PCDHA1: variants seen among roughly 807,000 people sequenced by gnomAD.
PCDHA1 encodes protocadherin alpha-1.
Under a neutral mutation model 61.3 loss-of-function variants are expected in PCDHA1, and 42 were observed. That is an observed-to-expected ratio of 0.69 (90% CI 0.54 to 0.89). The LOEUF is 0.89. Ranked by LOEUF, PCDHA1 falls within the 40% of genes least tolerant of loss-of-function variation. PCDHA1 has a pLI of 0.00. For missense variants in PCDHA1, 1,256 were observed against 1,235.3 expected (o/e 1.02, Z -0.25); for synonymous variants, 610 against 553.8 (o/e 1.10, Z -1.43).
chr5:140,852,888 T>C, intron 1 of PCDHA1: 1 of 920,092 alleles, frequency 1.1e-6, no homozygotes, highest in Non-Finnish European at 1.3e-6. Context: ...AAAACGTATT[T>C]TTTTTTTTGA....
At chr5:140,806,239 A>T (rs1311406571) in intron 1 of PCDHA1, among the ~76,000 whole-genome samples, 1 of 152,090 alleles carries the variant, frequency 6.6e-6, no homozygotes, top group Non-Finnish European at 1.5e-5. Context: ...CTTGTTTATT[A>T]AAAAAAGCTA....
chr5:140,825,145 T>A (rs1768461480), intron 1 of PCDHA1: 2 of 151,846 alleles, frequency 1.3e-5, no homozygotes, highest in African/African-American at 4.8e-5. Flanking sequence ...ATATGAGTAT[T>A]GATTTTAATC....
At chr5:140,875,538 A>C in intron 1 of PCDHA1, 17 of 1,614,126 alleles carry the variant, frequency 1.1e-5, no homozygotes, top group Non-Finnish European at 1.4e-5. Context: ...TGCTCCTTGC[A>C]GCCTGGGAGG....
intron 1 of PCDHA1, chr5:140,969,442 T>C (rs1554231813): frequency 1.3e-6 from 2 of 1,543,712 alleles, no homozygotes; most frequent in Admixed American, 4.0e-5. Flanking sequence ...AGTTATCTGG[T>C]AAACTGAGTA....
intron 1 of PCDHA1, among the ~76,000 whole-genome samples, chr5:140,958,419 A>G (rs1275772647): frequency 6.6e-6 from 1 of 152,196 alleles, no homozygotes; most frequent in Non-Finnish European, 1.5e-5. Flanking sequence ...GCTTGGAAAG[A>G]AGCACTTTTT....
At chr5:140,998,472 A>G (rs1212895520) in intron 3 of PCDHA1, among the ~76,000 whole-genome samples, 1 of 151,938 alleles carries the variant, frequency 6.6e-6, no homozygotes, top group Non-Finnish European at 1.5e-5. Context: ...TTTTCCTCCC[A>G]CTGTGCTGTA....
intron 3 of PCDHA1, among the ~76,000 whole-genome samples, chr5:141,002,568 C>T (rs1554258737): frequency 6.6e-6 from 1 of 152,182 alleles, no homozygotes; most frequent in Admixed American, 6.5e-5. Context: ...AGTTAGTGAC[C>T]ATGTGACCAT....
chr5:140,814,184 T>C (rs1765454808), intron 1 of PCDHA1: 1 of 152,684 alleles, frequency 6.5e-6, no homozygotes, highest in Admixed American at 6.5e-5. Context: ...TTTTGACTTT[T>C]AATTTTTTTA....
chr5:140,909,491 A>G (rs1031839388), intron 1 of PCDHA1, among the ~76,000 whole-genome samples: 5 of 152,218 alleles, frequency 3.3e-5, no homozygotes, highest in Non-Finnish European at 7.3e-5. Context: ...GGAGAGCTGA[A>G]CGGGGATGTG....
At position 140,788,518 on chromosome 5, in the gene PCDHA1, G is replaced by C. The variant is rs1761474283; in HGVS notation, c.2228G>C (p.Ser743Thr). Reference sequence around the variant, plus strand: ...GGCAAGCCCACTCTGGTGTGCTCCAGCGCGTTGGGGAGCTGGTCGAACTCA... The same window carrying C: ...GGCAAGCCCACTCTGGTGTGCTCCACCGCGTTGGGGAGCTGGTCGAACTCA... The part of the protein sequence containing the change: ...VPGKPTLVCS[S>T]ALGSWSNSQQ... Residue 743 changes from serine to threonine, a missense_variant, in exon 1 of 4, where the codon AGC (serine) becomes ACC (threonine). Ser to Thr is a moderately conservative substitution (Grantham distance 58). Coordinates refer to ENST00000504120, the MANE Select transcript of PCDHA1 (RefSeq NM_018900.4). 1 of 1,614,130 alleles carries C rather than the reference G, an allele frequency of 6.2e-7. No homozygotes were observed. Among genetic ancestry groups the C allele is most frequent in the South Asian group, 1.1e-5 (1 of 91,076 alleles).
rs1554117773 is a variant in PCDHA1, at chr5:140,787,342, C to A, written c.1052C>A (p.Ala351Glu). 4 of 1,614,140 alleles carry A rather than the reference C, an allele frequency of 2.5e-6. No individual in the cohort carries two copies. The highest frequency in any genetic ancestry group is 2.5e-6 in the Non-Finnish European group (3 of 1,179,992). Reference protein sequence around the residue: ...LDVNDNAPELAVTSLYLPIRE... With the variant: ...LDVNDNAPELEVTSLYLPIRE... ...GTAAATGATAATGCTCCAGAACTGG[C>A]GGTCACTTCATTGTATTTGCCTATC... The change falls in exon 1 of 4, where the codon GCG (alanine) becomes GAG (glutamate). Residue 351 changes from alanine (A) to glutamate (E), a missense_variant. By Grantham distance (107) the Ala-to-Glu change is moderately radical (BLOSUM62 -1). Transcript: ENST00000504120.
chr5:140,907,782 G>A (rs1285928394), intron 1 of PCDHA1, among the ~76,000 whole-genome samples: 1 of 152,158 alleles, frequency 6.6e-6, no homozygotes, highest in African/African-American at 2.4e-5. Flanking sequence ...AGGGGTGGCT[G>A]GGGAAAGAGG....
intron 1 of PCDHA1, among the ~76,000 whole-genome samples, chr5:140,820,762 T>C (rs1554127916): frequency 2.0e-5 from 3 of 152,044 alleles, no homozygotes; most frequent in Non-Finnish European, 4.4e-5. Flanking sequence ...ATAGACAATA[T>C]TAGGATTTTG....
chr5:140,839,939 G>T (rs1015505565), intron 1 of PCDHA1, among the ~76,000 whole-genome samples: 3 of 151,962 alleles, frequency 2.0e-5, no homozygotes, highest in Non-Finnish European at 4.4e-5. Context: ...AGTGTGCCAA[G>T]AAGGAGACAA....
chr5:140,970,651 T>C (rs1191146950), intron 1 of PCDHA1, among the ~76,000 whole-genome samples: 4 of 152,226 alleles, frequency 2.6e-5, no homozygotes, highest in Non-Finnish European at 5.9e-5. Flanking sequence ...TAGTGATGAA[T>C]TGTTATCTTT....
intron 1 of PCDHA1, chr5:140,877,422 G>T (rs781813282): frequency 6.2e-7 from 1 of 1,613,902 alleles, no homozygotes; most frequent in Non-Finnish European, 8.5e-7. Flanking sequence ...TGCTGGTGCT[G>T]GTGAAGGACC....
At chr5:140,790,209 C>T (rs1554118506) in intron 1 of PCDHA1, among the ~76,000 whole-genome samples, 1 of 152,122 alleles carries the variant, frequency 6.6e-6, no homozygotes, top group Non-Finnish European at 1.5e-5. Context: ...CTGGGCAGCA[C>T]GTTTTATAGC....
At chr5:140,836,285 A>G (rs1774338126) in intron 1 of PCDHA1, 1 of 1,613,756 alleles carries the variant, frequency 6.2e-7, no homozygotes, top group Non-Finnish European at 8.5e-7. Context: ...TCAGCACGAC[A>G]CGAGCCCTAG....
intron 1 of PCDHA1, chr5:140,830,638 T>C (rs1389009396): frequency 2.4e-5 from 12 of 501,874 alleles, no homozygotes; most frequent in African/African-American, 1.2e-4. Context: ...TTAATCTCTT[T>C]GCTTCTTTAA....
Sources: allele counts gnomAD v4.1 joint callset (sites outside exome capture counted in the v4.1 genomes callset), GRCh38; gene constraint gnomAD v4.1.1; transcripts MANE v1.5; gene names NCBI Gene and HGNC (gene_info 2026-07-23, HGNC 2026-07-21).